CD200: variants seen among roughly 807,000 people sequenced by gnomAD.
CD200 encodes CD200 molecule.
In CD200, 15 loss-of-function variants were observed where a neutral mutation model predicts 30.9. The observed-to-expected ratio is 0.49, with a 90% confidence interval of 0.32 to 0.75. The LOEUF (loss-of-function observed/expected upper bound fraction) is 0.75. Ranked by LOEUF, CD200 falls within the 30% of genes least tolerant of loss-of-function variation. The pLI is 0.03. For missense variants in CD200, 262 were observed against 324.2 expected (o/e 0.81, Z 1.47); for synonymous variants, 134 against 126.2 (o/e 1.06, Z -0.41).
At chr3:112,359,651 TA>T (rs1411474139) in intron 5 of CD200, among the ~76,000 whole-genome samples, 3 of 152,214 alleles carry the variant, frequency 2.0e-5, no homozygotes, top group African/African-American at 7.2e-5. Flanking sequence ...TATTTATTAA[TA>T]ATTTTTAATA....
intron 1 of CD200, among the ~76,000 whole-genome samples, chr3:112,338,590 GC>G (rs1439788874): frequency 6.6e-6 from 1 of 152,174 alleles, no homozygotes; most frequent in Admixed American, 6.5e-5. Flanking sequence ...ATGGGGTCAT[GC>G]TTTATTACTA....
intron 5 of CD200, 122 bp from the exon 6 acceptor site, chr3:112,361,421 C>T (rs2081739707): frequency 1.2e-6 from 1 of 828,230 alleles, no homozygotes; most frequent in Admixed American, 1.9e-5. Context: ...TTATCTTTGC[C>T]AATGAATATA....
At chr3:112,359,559 A>G (rs1340505139) in intron 5 of CD200, among the ~76,000 whole-genome samples, 1 of 152,232 alleles carries the variant, frequency 6.6e-6, no homozygotes, top group Non-Finnish European at 1.5e-5. Context: ...TTTAATTCTC[A>G]TAGCAATTGA....
rs754801150 is a variant in CD200, at chr3:112,347,662, C to T, written c.526C>T (p.Arg176Trp). 22 of 1,614,088 alleles carry T rather than the reference C, an allele frequency of 1.4e-5. 1 individual carries two copies. Among genetic ancestry groups the T allele is most frequent in the East Asian group, 2.2e-5 (1 of 44,884 alleles). ...PAPMVFWKVP[R>W]SGIENSTVTL... The stretch of plus-strand genomic sequence containing the variant: ...CCCCATGGTCTTCTGGAAGGTCCCT[C>T]GGTCAGGGATTGAAAATAGTACAGT... The change falls in exon 4 of 6, where the codon CGG becomes TGG. Residue 176 changes from arginine (R) to tryptophan (W), a missense_variant. Transcript: ENST00000315711.
rs1469923779 is a variant in CD200, at chr3:112,344,946, T to C, written c.95-16T>C. The C allele has an allele frequency of 6.4e-7, 1 of 1,560,982 alleles. No individual in the cohort carries two copies. Among genetic ancestry groups the C allele is most frequent in the Non-Finnish European group, 8.7e-7 (1 of 1,147,504 alleles). ...TTACAATCTTTAAATATAAATGTTC[T>C]TTTATGATTCCATAGTGCAAGTGGT... On this transcript the variant is annotated splice_polypyrimidine_tract_variant and intron_variant, in intron 2 of 5. Coordinates refer to ENST00000315711, the MANE Select transcript of CD200 (RefSeq NM_005944.7).
At chr3:112,341,572 C>T (rs1292648008) in intron 2 of CD200, among the ~76,000 whole-genome samples, 1 of 152,178 alleles carries the variant, frequency 6.6e-6, no homozygotes, top group Non-Finnish European at 1.5e-5. Context: ...GCATCAGCCT[C>T]CACAGATGTG....
chr3:112,361,397 A>G, intron 5 of CD200, 146 bp from the exon 6 acceptor site: 2 of 720,500 alleles, frequency 2.8e-6, no homozygotes, highest in Non-Finnish European at 2.5e-6. Context: ...ACTGGGTCAG[A>G]AATGTCTACT....
Position 112,362,801 on chromosome 3 carries a change from G to T in CD200, c.*1251G>T, listed in dbSNP as rs934801688. The T allele has an allele frequency of 6.6e-6, 1 of 152,500 alleles. No individual in the cohort carries two copies. The highest frequency in any genetic ancestry group is 2.1e-4 in the South Asian group (1 of 4,828). 9.4% of individuals were successfully genotyped at this position (152,500 alleles called of 1,614,324 possible). On this transcript the variant is annotated 3_prime_UTR_variant, in exon 6 of 6. Coordinates refer to ENST00000315711, the MANE Select transcript of CD200 (RefSeq NM_005944.7). ...AGTAAAATATTGAACAATTAAAAGTGTTGACTCCAAATATTTGGCTTATGA... is the reference window on the plus strand; with the variant it reads ...AGTAAAATATTGAACAATTAAAAGTTTTGACTCCAAATATTTGGCTTATGA...
upstream of CD200, chr3:112,333,025 T>C (rs900677536): frequency 8.3e-6 from 6 of 726,524 alleles, no homozygotes; most frequent in African/African-American, 1.1e-4. Context: ...CATCATTTAA[T>C]TCCCCCCACA....
rs1371332272 is a variant in CD200 at position 112,362,018 on chromosome 3, A to AGG, written c.*469_*470insGG. 1 of 159,710 alleles carries AGG rather than the reference A, an allele frequency of 6.3e-6. No individual in the cohort carries two copies. The highest frequency in any genetic ancestry group is 1.8e-4 in the East Asian group (1 of 5,590). 9.9% of individuals were successfully genotyped at this position (159,710 alleles called of 1,614,324 possible). A position where few individuals can be genotyped will look rare whatever the true frequency, so the allele number is the denominator to read the frequency against. On this transcript the variant is annotated 3_prime_UTR_variant, in exon 6 of 6. Coordinates refer to ENST00000315711, the MANE Select transcript of CD200 (RefSeq NM_005944.7). ...AAGGGGGAAGAATTGAAAGAGAGAGAGAAGAAAGAATACAGAGAGCTTACC... is the reference window on the plus strand; with the variant it reads ...AAGGGGGAAGAATTGAAAGAGAGAGAGGGAAGAAAGAATACAGAGAGCTTACC...
At chr3:112,347,084 T>A (rs2081413225) in intron 3 of CD200, among the ~76,000 whole-genome samples, 1 of 152,220 alleles carries the variant, frequency 6.6e-6, no homozygotes, top group Non-Finnish European at 1.5e-5. Flanking sequence ...AGCAGTAGCC[T>A]TTCTATGGGC....
intron 4 of CD200, 67 bp downstream of exon 4, chr3:112,347,897 T>C (rs1385688178): frequency 7.0e-7 from 1 of 1,420,752 alleles, no homozygotes; most frequent in Non-Finnish European, 9.7e-7. Flanking sequence ...GCAGTGAATG[T>C]CCTGCAGAGG....
At chr3:112,343,572 A>G (rs1210365227) in intron 2 of CD200, among the ~76,000 whole-genome samples, 1 of 152,196 alleles carries the variant, frequency 6.6e-6, no homozygotes, top group African/African-American at 2.4e-5. Context: ...CCAAAGCACC[A>G]GGATTACAGG....
intron 1 of CD200, chr3:112,335,997 A>C (rs904078537): frequency 1.2e-6 from 2 of 1,611,130 alleles, no homozygotes; most frequent in Non-Finnish European, 1.7e-6. Context: ...CCTAGGAAAG[A>C]CCACCATCAA....
chr3:112,336,662 G>T (rs1659649379), intron 1 of CD200, among the ~76,000 whole-genome samples: 1 of 121,486 alleles, frequency 8.2e-6, no homozygotes, highest in African/African-American at 3.2e-5. Flanking sequence ...AACAGATGGG[G>T]CTAAACAGGA....
chr3:112,337,050 G>A (rs1426604853), intron 1 of CD200, among the ~76,000 whole-genome samples: 5 of 152,060 alleles, frequency 3.3e-5, no homozygotes, highest in African/African-American at 1.2e-4. Context: ...GGCGGGGGGT[G>A]AGGGGTGTTG....
At chr3:112,334,431 T>G in intron 1 of CD200, 1 of 163,272 alleles carries the variant, frequency 6.1e-6, no homozygotes, top group Non-Finnish European at 1.3e-5. Flanking sequence ...TAACACGTAT[T>G]GGCATTTACT....
At chr3:112,350,710 G>A (rs1007037648) in intron 5 of CD200, among the ~76,000 whole-genome samples, 4 of 152,160 alleles carry the variant, frequency 2.6e-5, no homozygotes, top group Admixed American at 1.3e-4. Context: ...GAAGGATAGG[G>A]GTCAGGAAAG....
At chr3:112,340,117 T>C (rs1360106703) in intron 1 of CD200, among the ~76,000 whole-genome samples, 6 of 152,214 alleles carry the variant, frequency 3.9e-5, no homozygotes, top group African/African-American at 1.4e-4. Flanking sequence ...ATCATCTCTA[T>C]TATGAAAAAT....
Sources: allele counts gnomAD v4.1 joint callset (sites outside exome capture counted in the v4.1 genomes callset), GRCh38; gene constraint gnomAD v4.1.1; transcripts MANE v1.5; gene names NCBI Gene and HGNC (gene_info 2026-07-23, HGNC 2026-07-21).